COL10A1: variants seen among roughly 807,000 people sequenced by gnomAD.
COL10A1 encodes the protein collagen alpha-1(X) chain.
In COL10A1, 10 loss-of-function variants were observed where a neutral mutation model predicts 18.2. That is an observed-to-expected ratio of 0.55 (90% CI 0.34 to 0.93). COL10A1 has a LOEUF of 0.93. Among genes scored for constraint, COL10A1 ranks in the 40% least tolerant of loss-of-function variants. The pLI is 0.02. For synonymous variants in COL10A1, 330 were observed against 316.6 expected (o/e 1.04, Z -0.45); for missense variants, 897 against 853.5 (o/e 1.05, Z -0.64).
upstream of COL10A1, among the ~76,000 whole-genome samples, chr6:116,162,877 C>A (rs1224891972): frequency 2.6e-5 from 4 of 151,968 alleles, no homozygotes; most frequent in Admixed American, 2.6e-4. Flanking sequence ...CCTGTAATCC[C>A]AGCACTTTGG....
chr6:116,214,697 T>G, the COL10A1 span, among the ~76,000 whole-genome samples: 4 of 152,112 alleles, frequency 2.6e-5, no homozygotes, highest in Non-Finnish European at 4.4e-5. Flanking sequence ...AGTCTGTTTT[T>G]GAAATATCAT....
At position 116,124,016 on chromosome 6, in the gene COL10A1, G is replaced by A. The variant is rs542078270; in HGVS notation, c.154+1323C>T. Among the ~76,000 whole-genome samples, 6 of 152,106 alleles carry A rather than the reference G, an allele frequency of 3.9e-5. No homozygotes were observed. In the South Asian group the frequency reaches 6.2e-4, roughly 16 times the overall value. ...TTGTGTTTGTTGCTTCAAGTAAAGC[G>A]GAAGGTTGCTTTGTCTTTTATTTTT... On this transcript the variant is annotated intron_variant, in intron 2 of 2. Transcript: ENST00000651968.
the COL10A1 span, among the ~76,000 whole-genome samples, chr6:116,207,424 T>C: frequency 6.6e-6 from 1 of 151,936 alleles, no homozygotes; most frequent in Non-Finnish European, 1.5e-5. Context: ...CATATGTCCA[T>C]ATTATATAGG....
the COL10A1 span, among the ~76,000 whole-genome samples, chr6:116,170,616 A>G: frequency 6.6e-6 from 1 of 152,186 alleles, no homozygotes; most frequent in Non-Finnish European, 1.5e-5. Flanking sequence ...TAAATAGGGT[A>G]TATGTTCAGA....
At chr6:116,126,935 T>C (rs908581881), upstream of COL10A1, among the ~76,000 whole-genome samples, 1 of 152,152 alleles carries the variant, frequency 6.6e-6, no homozygotes, top group Admixed American at 6.6e-5. Context: ...GTAAACACTA[T>C]TGTTGTCAAT....
rs555955192 is a variant in COL10A1 at position 116,141,509 on chromosome 6, T to C, written c.-15-16002A>G. 2.0e-5 allele frequency among the ~76,000 whole-genome samples: 3 copies of C among 152,124 alleles called. 1 individual carries two copies. The highest frequency in any genetic ancestry group is 4.8e-5 in the African/African-American group (2 of 41,516). ...AACTTTCCAGTGGGACTCCAAGTCA[T>C]TGTATATTCAAGAAAAAACGTGGCA... On this transcript the variant is annotated intron_variant, in intron 1 of 1. Transcript: ENST00000418500.
the COL10A1 span, among the ~76,000 whole-genome samples, chr6:116,172,050 C>G: frequency 1.3e-5 from 2 of 152,174 alleles, no homozygotes; most frequent in Non-Finnish European, 2.9e-5. Flanking sequence ...AACACTCTCA[C>G]TTCCATCCAC....
the COL10A1 span, among the ~76,000 whole-genome samples, chr6:116,186,140 C>G: frequency 6.6e-6 from 1 of 151,994 alleles, no homozygotes; most frequent in Non-Finnish European, 1.5e-5. Context: ...CTTAGTTTCA[C>G]TGGATACAAA....
At chr6:116,207,630 G>T in the COL10A1 span, among the ~76,000 whole-genome samples, 1 of 151,844 alleles carries the variant, frequency 6.6e-6, no homozygotes, top group African/African-American at 2.4e-5. Flanking sequence ...TTGGAAGCAG[G>T]CAGTGTGAAA....
chr6:116,212,871 T>C, the COL10A1 span, among the ~76,000 whole-genome samples: 1 of 152,196 alleles, frequency 6.6e-6, no homozygotes, highest in Admixed American at 6.6e-5. Flanking sequence ...TTCTTTAAAC[T>C]GTTTAAAACA....
At chr6:116,207,388 A>G in the COL10A1 span, among the ~76,000 whole-genome samples, 3 of 151,948 alleles carry the variant, frequency 2.0e-5, no homozygotes, top group East Asian at 1.9e-4. Flanking sequence ...ATCCTTTACA[A>G]TCTTTAATTA....
the COL10A1 span, among the ~76,000 whole-genome samples, chr6:116,213,336 C>T: frequency 1.3e-5 from 2 of 152,078 alleles, no homozygotes; most frequent in Admixed American, 1.3e-4. Flanking sequence ...GCACCTACAA[C>T]ACAAATTCTT....
chr6:116,122,752 T>C (rs1779171056), intron 2 of COL10A1, among the ~76,000 whole-genome samples: 1 of 152,178 alleles, frequency 6.6e-6, no homozygotes, highest in African/African-American at 2.4e-5. Flanking sequence ...ATTTGGTGTA[T>C]ATAAATGCAG....
chr6:116,216,090 C>T, the COL10A1 span, among the ~76,000 whole-genome samples: 1 of 151,966 alleles, frequency 6.6e-6, no homozygotes, highest in African/African-American at 2.4e-5. Flanking sequence ...TCTAGAGTAC[C>T]ATGCTTAATT....
At chr6:116,190,246 A>G in the COL10A1 span, among the ~76,000 whole-genome samples, 2 of 152,018 alleles carry the variant, frequency 1.3e-5, no homozygotes, top group African/African-American at 2.4e-5. Flanking sequence ...CCAAAACAGT[A>G]TTTTTTAAAT....
chr6:116,154,326 G>A (rs1369245659), intron 1 of COL10A1, among the ~76,000 whole-genome samples: 2 of 152,006 alleles, frequency 1.3e-5, no homozygotes, highest in East Asian at 1.9e-4. Context: ...ACTGAGGCCG[G>A]GATTTCTTTC....
the COL10A1 span, among the ~76,000 whole-genome samples, chr6:116,201,692 A>G: frequency 2.6e-5 from 4 of 151,972 alleles, no homozygotes; most frequent in Non-Finnish European, 5.9e-5. Context: ...ATATGTGGCC[A>G]CTTCTGACAT....
chr6:116,164,935 T>A, the COL10A1 span, among the ~76,000 whole-genome samples: 97 of 151,544 alleles, frequency 6.4e-4, 1 homozygote, highest in South Asian at 0.02. Context: ...AATAAATAAA[T>A]AAAATACAAA....
At chr6:116,197,499 C>G in the COL10A1 span, among the ~76,000 whole-genome samples, 1 of 151,990 alleles carries the variant, frequency 6.6e-6, no homozygotes, top group African/African-American at 2.4e-5. Flanking sequence ...CTCTGCCACC[C>G]AAGTTTTAAG....
Sources: allele counts gnomAD v4.1 joint callset (sites outside exome capture counted in the v4.1 genomes callset), GRCh38; gene constraint gnomAD v4.1.1; transcripts MANE v1.5; gene names NCBI Gene and HGNC (gene_info 2026-07-23, HGNC 2026-07-21).